The following DACT1 variants were observed in gnomAD, a reference collection of about 807,000 sequenced individuals.
DACT1 encodes the protein dapper homolog 1.
DACT1 carries 19 observed loss-of-function variants against 35.3 expected under a neutral mutation model. The observed-to-expected ratio is 0.54, with a 90% CI of 0.38 to 0.79. The LOEUF (loss-of-function observed/expected upper bound fraction) is 0.79, where lower values mean the gene tolerates loss of function less well. Ranked by LOEUF, DACT1 falls within the 30% of genes least tolerant of loss-of-function variation. DACT1 has a pLI of 0.00. For missense variants in DACT1, 1,143 were observed against 1,057.5 expected (o/e 1.08, Z -1.12); for synonymous variants, 545 against 466.7 (o/e 1.17, Z -2.16).
Position 58,638,447 on chromosome 14 carries a change from C to A in DACT1, c.245C>A (p.Ala82Asp). 1 of 1,345,760 alleles carries A rather than the reference C, an allele frequency of 7.4e-7. No individual in the cohort carries two copies. The highest frequency in any genetic ancestry group is 9.6e-7 in the Non-Finnish European group (1 of 1,044,780). 83.4% of individuals were successfully genotyped at this position (1,345,760 alleles called of 1,614,324 possible). A position where few individuals can be genotyped will look rare whatever the true frequency, so the allele number is the denominator to read the frequency against. ...CGCGGCGCCGGGGGTGCGGGAGCCGCTGCGCCCCGCGCTGGGGAGCTACTG... is the reference window on the plus strand; with the variant it reads ...CGCGGCGCCGGGGGTGCGGGAGCCGATGCGCCCCGCGCTGGGGAGCTACTG... ...ALRGAGGAGA[A>D]APRAGELLGE... is the part of the protein sequence containing the mutation. Residue 82 changes from alanine to aspartate, a missense_variant, in exon 1 of 4, where the codon GCT (alanine) becomes GAT (aspartate). Transcript: ENST00000395153.
Position 58,640,737 on chromosome 14 carries a change from A to G in DACT1, c.347A>G (p.Asn116Ser). The change falls in exon 2 of 4, where the codon AAC becomes AGC. Residue 116 changes from asparagine (N) to serine (S), a missense_variant and splice_region_variant. Transcript: ENST00000395153. ...ENILLLRKQL[N>S]CLRRRDAGLL... ...TTTCCTTTGTTTCTTCCTAATCAGA[A>G]CTGTTTGAGGCGAAGAGATGCTGGT... 6.2e-7 allele frequency: 1 copy of G among 1,614,136 alleles called. No individual in the cohort carries two copies. Among genetic ancestry groups the G allele is most frequent in the Non-Finnish European group, 8.5e-7 (1 of 1,179,998 alleles).
chr14:58,648,258 C>T lies in DACT1; in HGVS notation c.*1124C>T, dbSNP rs1279460635. The T allele has an allele frequency of 6.0e-6, 1 of 166,720 alleles. No individual in the cohort carries two copies. Among genetic ancestry groups the T allele is most frequent in the African/African-American group, 2.4e-5 (1 of 41,298 alleles). 10.3% of individuals were successfully genotyped at this position (166,720 alleles called of 1,614,324 possible). ...TTAATATAACATATGCAGTAATAAACCATTTGTTTTACTGCTGTTAAGTTT... is the reference window on the plus strand; with the variant it reads ...TTAATATAACATATGCAGTAATAAATCATTTGTTTTACTGCTGTTAAGTTT... On this transcript the variant is annotated 3_prime_UTR_variant, in exon 4 of 4. Coordinates refer to ENST00000395153, the MANE Select transcript of DACT1 (RefSeq NM_001079520.2).
intron 1 of DACT1, chr14:58,639,048 T>TAGGG: frequency 1.0e-6 from 1 of 985,550 alleles, no homozygotes; most frequent in Non-Finnish European, 1.2e-6. Flanking sequence ...GGAGCGCCTG[T>TAGGG]AGGGAGCCGT....
Position 58,641,019 on chromosome 14 carries a change from C to T in DACT1, c.478+151C>T, listed in dbSNP as rs1427561739. 4 of 869,022 alleles carry T rather than the reference C, an allele frequency of 4.6e-6. No individual in the cohort carries two copies. The South Asian group carries it at 6.7e-5, about 15-fold the overall frequency. 53.8% of individuals were successfully genotyped at this position (869,022 alleles called of 1,614,324 possible). ...AAAGAAGTCTGCCATTCAGTTTTAT[C>T]GGAATAAGAGGGAAATAAACTCAGA... On this transcript the variant is annotated intron_variant, in intron 2 of 3. Coordinates refer to ENST00000395153, the MANE Select transcript of DACT1 (RefSeq NM_001079520.2).
chr14:58,640,904 C>A, intron 2 of DACT1, 36 bp downstream of exon 2: 1 of 1,612,136 alleles, frequency 6.2e-7, no homozygotes, highest in Middle Eastern at 1.7e-4. Context: ...ATTCTGCACT[C>A]TTGAGTTGTA....
Position 58,638,646 on chromosome 14 carries a change from A to C in DACT1, c.345+99A>C. On this transcript the variant is annotated intron_variant, in intron 1 of 3. Transcript: ENST00000395153. ...GGCGCGAGGTTGACTCTGGCTGGGGAGATGCTCGCTGTTATGGGACGCCCC... is the reference window on the plus strand; with the variant it reads ...GGCGCGAGGTTGACTCTGGCTGGGGCGATGCTCGCTGTTATGGGACGCCCC... The C allele has an allele frequency of 4.0e-6, 5 of 1,240,844 alleles. No individual in the cohort carries two copies. In the South Asian group the frequency reaches 2.0e-4, roughly 50 times the overall value. The allele number at this position is 1,240,844 out of a possible 1,614,324, so 76.9% of individuals were successfully genotyped here. A position where few individuals can be genotyped will look rare whatever the true frequency, so the allele number is the denominator to read the frequency against.
intron 3 of DACT1, among the ~76,000 whole-genome samples, chr14:58,643,419 G>T (rs950240445): frequency 2.0e-5 from 3 of 152,216 alleles, no homozygotes; most frequent in African/African-American, 4.8e-5. Flanking sequence ...CTGAATTTTT[G>T]AGTCCAGGCA....
intron 3 of DACT1, among the ~76,000 whole-genome samples, chr14:58,642,210 G>A (rs1316721457): frequency 2.6e-5 from 4 of 152,090 alleles, no homozygotes; most frequent in Non-Finnish European, 4.4e-5. Flanking sequence ...GGGTTGGCCC[G>A]GTGCAGTGGC....
At chr14:58,644,761 T>C (rs1021375398) in intron 3 of DACT1, among the ~76,000 whole-genome samples, 1 of 152,200 alleles carries the variant, frequency 6.6e-6, no homozygotes, top group Non-Finnish European at 1.5e-5. Flanking sequence ...GAGAGCAGCC[T>C]AGAGAAACAG....
In DACT1 at chr14:58,638,298, G is replaced by A; in HGVS notation, c.96G>A (p.Arg32=). 7.4e-7 allele frequency: 1 copy of A among 1,344,212 alleles called. No individual in the cohort carries two copies. Among genetic ancestry groups the A allele is most frequent in the Non-Finnish European group, 9.5e-7 (1 of 1,052,024 alleles). 83.3% of individuals were successfully genotyped at this position (1,344,212 alleles called of 1,614,324 possible). The change falls in exon 1 of 4, where the codon CGG becomes CGA. Residue 32 remains arginine, a synonymous_variant. Coordinates refer to ENST00000395153, the MANE Select transcript of DACT1 (RefSeq NM_001079520.2). ...QRTAEPEGRW[R]EKGEADTERQ... is the part of the protein sequence containing the mutation. ...CGGCGGAGCCCGAGGGGCGCTGGCGGGAGAAGGGCGAGGCAGACACCGAGC... is the reference window on the plus strand; with the variant it reads ...CGGCGGAGCCCGAGGGGCGCTGGCGAGAGAAGGGCGAGGCAGACACCGAGC...
At chr14:58,637,906 G>A (rs374709332), upstream of DACT1, 94 of 165,188 alleles carry the variant, frequency 5.7e-4, 1 homozygote, top group South Asian at 0.015. Flanking sequence ...GCGGGGAGGC[G>A]GGCGCCAGGC....
chr14:58,646,486 T>G lies in DACT1; in HGVS notation c.1752T>G (p.Asn584Lys), dbSNP rs1297284188. ...GCTTCCCAGATGACTTGGATACAAA[T>G]AAGAAACTCAAGAAAGCCTCCTCCA... ...KCRFPDDLDT[N>K]KKLKKASSKG... Residue 584 changes from asparagine (N) to lysine (K), a missense_variant, in exon 4 of 4, where the codon AAT (asparagine) becomes AAG (lysine). Coordinates refer to ENST00000395153, the MANE Select transcript of DACT1 (RefSeq NM_001079520.2). 1.3e-6 allele frequency: 2 copies of G among 1,565,726 alleles called. No individual in the cohort carries two copies. The highest frequency in any genetic ancestry group is 1.7e-6 in the Non-Finnish European group (2 of 1,160,614).
Position 58,638,541 on chromosome 14 carries a change from G to A in DACT1, c.339G>A (p.Lys113=), listed in dbSNP as rs963572144. 7.4e-7 allele frequency: 1 copy of A among 1,343,022 alleles called. No individual in the cohort carries two copies. Among genetic ancestry groups the A allele is most frequent in the East Asian group, 2.8e-5 (1 of 35,782 alleles). 83.2% of individuals were successfully genotyped at this position (1,343,022 alleles called of 1,614,324 possible). A position where few individuals can be genotyped will look rare whatever the true frequency, so the allele number is the denominator to read the frequency against. ...AGGAGAACATCTTGCTGCTAAGAAA[G>A]CAATTGGTAGGTCGTGCCCGAAGGT... ...FLEENILLLR[K]QLNCLRRRDA... is the part of the protein sequence containing the mutation. The change falls in exon 1 of 4, where the codon AAG becomes AAA. Residue 113 remains lysine, a synonymous_variant. Coordinates refer to ENST00000395153, the MANE Select transcript of DACT1 (RefSeq NM_001079520.2).
rs774957429 is a variant in DACT1 at position 58,646,452 on chromosome 14, A to G, written c.1718A>G (p.Lys573Arg). 7 of 1,582,186 alleles carry G rather than the reference A, an allele frequency of 4.4e-6. No homozygotes were observed. The highest frequency in any genetic ancestry group is 1.4e-5 in the African/African-American group (1 of 73,242). ...AGGGAGAAAACGCGGGCCGGGAGCA[A>G]GAAGTGTCGCTTCCCAGATGACTTG... Reference protein sequence around the residue: ...TVREKTRAGSKKCRFPDDLDT... With the variant: ...TVREKTRAGSRKCRFPDDLDT... Residue 573 changes from lysine to arginine, a missense_variant, in exon 4 of 4, where the codon AAG (lysine) becomes AGG (arginine). Physicochemically the swap from Lys to Arg is conservative, Grantham distance 26 (BLOSUM62 2). Coordinates refer to ENST00000395153, the MANE Select transcript of DACT1 (RefSeq NM_001079520.2).
intron 2 of DACT1, among the ~76,000 whole-genome samples, chr14:58,641,278 C>A (rs2047624491): frequency 6.6e-6 from 1 of 150,694 alleles, no homozygotes; most frequent in Non-Finnish European, 1.5e-5. Flanking sequence ...CTGAAACAAT[C>A]ATGATAAAGA....
intron 1 of DACT1, 39 bp downstream of exon 1, chr14:58,638,586 C>G: frequency 1.5e-6 from 2 of 1,310,556 alleles, no homozygotes; most frequent in Non-Finnish European, 2.0e-6. Context: ...CTGTTCCTGC[C>G]CAGGGGCTGG....
upstream of DACT1, among the ~76,000 whole-genome samples, chr14:58,636,262 G>C (rs2047571748): frequency 6.6e-6 from 1 of 152,156 alleles, no homozygotes; most frequent in East Asian, 1.9e-4. Context: ...AATTCTATTT[G>C]TAGTAGAGAT....
chr14:58,644,887 T>C (rs2047658318), intron 3 of DACT1, among the ~76,000 whole-genome samples: 1 of 152,220 alleles, frequency 6.6e-6, no homozygotes, highest in Non-Finnish European at 1.5e-5. Flanking sequence ...ACTAGAATCT[T>C]GGTGTGCTTC....
chr14:58,643,063 CAT>C (rs2140215887), intron 3 of DACT1, among the ~76,000 whole-genome samples: 1 of 152,274 alleles, frequency 6.6e-6, no homozygotes, highest in South Asian at 2.1e-4. Context: ...AGTAAGGTTA[CAT>C]ATGTTATTTA....
Sources: allele counts gnomAD v4.1 joint callset (sites outside exome capture counted in the v4.1 genomes callset), GRCh38; gene constraint gnomAD v4.1.1; transcripts MANE v1.5; gene names NCBI Gene and HGNC (gene_info 2026-07-23, HGNC 2026-07-21).